Variants in RYR2 observed in about 807,000 individuals in gnomAD.
The protein encoded by RYR2 is ryanodine receptor 2.
Under a neutral mutation model 601.1 loss-of-function variants are expected in RYR2, and 227 were observed. The ratio of observed to expected loss-of-function variants is 0.38; its 90% CI spans 0.34 to 0.42. RYR2 has a LOEUF of 0.42. Ranked by LOEUF, RYR2 falls within the 10% of genes least tolerant of loss-of-function variation. The pLI, the probability that RYR2 is intolerant of heterozygous loss-of-function variation, is 1.00. For synonymous variants in RYR2, 2,223 were observed against 2,175.1 expected (o/e 1.02, Z -0.61); for missense variants, 4,646 against 6,156.5 (o/e 0.75, Z 8.21).
At chr1:237,533,008 A>AGATG (rs1668284398) in intron 25 of RYR2, among the ~76,000 whole-genome samples, 1 of 152,224 alleles carries the variant, frequency 6.6e-6, no homozygotes, top group East Asian at 1.9e-4. Context: ...ATAGACAGAT[A>AGATG]GATGGATGGG....
intron 15 of RYR2, among the ~76,000 whole-genome samples, chr1:237,455,200 T>C (rs1423177707): frequency 6.6e-6 from 1 of 152,150 alleles, no homozygotes; most frequent in Non-Finnish European, 1.5e-5. Flanking sequence ...ATATATCTCA[T>C]GTTCTAATAT....
chr1:237,665,259 G>A, intron 56 of RYR2, among the ~76,000 whole-genome samples: 1 of 152,036 alleles, frequency 6.6e-6, no homozygotes, highest in South Asian at 2.1e-4. Flanking sequence ...ATTAGCTGGT[G>A]ACAGAGATGC....
chr1:237,519,017 G>A (rs1666832837), intron 24 of RYR2, among the ~76,000 whole-genome samples: 1 of 152,156 alleles, frequency 6.6e-6, no homozygotes, highest in African/African-American at 2.4e-5. Context: ...TTTCTCTGAT[G>A]ATTAGTGATG....
intron 1 of RYR2, among the ~76,000 whole-genome samples, chr1:237,193,391 T>C (rs1458396175): frequency 1.3e-5 from 2 of 151,850 alleles, no homozygotes; most frequent in Non-Finnish European, 2.9e-5. Context: ...ACCCGGGAGG[T>C]GGAGCTTGCA....
At position 237,649,789 on chromosome 1, in the gene RYR2, A is replaced by G. The variant is rs530824606; in HGVS notation, c.7513-88A>G. 1.2e-5 allele frequency: 13 copies of G among 1,044,806 alleles called. No homozygotes were observed. The African/African-American group carries it at 1.9e-4, about 15-fold the overall frequency. The allele number at this position is 1,044,806 out of a possible 1,614,324, so 64.7% of individuals were successfully genotyped here. ...GTCATAGTGCTATCATCTTCCGGAT[A>G]GTGAAATTGTATGTCCCCATGTTAA... On this transcript the variant is annotated intron_variant, in intron 49 of 104. Coordinates refer to ENST00000366574, the MANE Select transcript of RYR2 (RefSeq NM_001035.3).
Position 237,783,953 on chromosome 1 carries a change from G to A in RYR2, c.12241G>A (p.Glu4081Lys), listed in dbSNP as rs763004638. 1.7e-5 allele frequency: 27 copies of A among 1,613,584 alleles called. 1 individual carries two copies. Among genetic ancestry groups the A allele is most frequent in the Non-Finnish European group, 2.3e-5 (27 of 1,179,708 alleles). Reference protein sequence around the residue: ...ETDENETLDYEEFVKRFHEPA... With the variant: ...ETDENETLDYKEFVKRFHEPA... Reference sequence around the variant, plus strand: ...GGATGAGAATGAAACCCTCGACTACGAAGAGTTCGTCAAACGCTTCCACGA... The same window carrying A: ...GGATGAGAATGAAACCCTCGACTACAAAGAGTTCGTCAAACGCTTCCACGA... Residue 4081 changes from glutamate to lysine, a missense_variant, in exon 90 of 105, where the codon GAA becomes AAA. Around this residue, in one of 17 missense-constraint regions of RYR2, gnomAD observed 66 missense variants for 80.7 expected, o/e 0.82. Coordinates refer to ENST00000366574, the MANE Select transcript of RYR2 (RefSeq NM_001035.3).
chr1:237,233,732 G>A (rs1685239783), intron 1 of RYR2, among the ~76,000 whole-genome samples: 1 of 152,136 alleles, frequency 6.6e-6, no homozygotes, highest in African/African-American at 2.4e-5. Flanking sequence ...TCAGCTCACT[G>A]CAATCTCTTC....
At chr1:237,527,912 A>G (rs772716252) in intron 24 of RYR2, among the ~76,000 whole-genome samples, 5 of 152,148 alleles carry the variant, frequency 3.3e-5, no homozygotes, top group Admixed American at 6.5e-5. Context: ...ATGAAATCTC[A>G]CGCCCTGCTA....
At chr1:237,337,575 G>A (rs991737871) in intron 3 of RYR2, among the ~76,000 whole-genome samples, 3 of 152,074 alleles carry the variant, frequency 2.0e-5, no homozygotes, top group African/African-American at 7.2e-5. Context: ...TTTATAATGT[G>A]GGGAAAATAA....
At chr1:237,301,401 A>T (rs2149454359) in intron 2 of RYR2, among the ~76,000 whole-genome samples, 1 of 152,294 alleles carries the variant, frequency 6.6e-6, no homozygotes, top group Admixed American at 6.5e-5. Flanking sequence ...AGCATACTGT[A>T]GGAACTTCAT....
intron 10 of RYR2, among the ~76,000 whole-genome samples, chr1:237,401,480 T>C (rs927269496): frequency 1.3e-5 from 2 of 149,096 alleles, no homozygotes; most frequent in Non-Finnish European, 2.9e-5. Flanking sequence ...GTTATACTTA[T>C]GCTTGCAGTT....
At chr1:237,324,534 T>A (rs1695960538) in intron 2 of RYR2, among the ~76,000 whole-genome samples, 1 of 152,204 alleles carries the variant, frequency 6.6e-6, no homozygotes. Context: ...TTTATATCTC[T>A]CTGATTCTGA....
Position 237,707,008 on chromosome 1 carries a change from C to T in RYR2, c.9640C>T (p.Leu3214Phe). The change falls in exon 68 of 105, where the codon CTC becomes TTC. Residue 3214 changes from leucine to phenylalanine, a missense_variant. Physicochemically the swap from Leu to Phe is conservative, Grantham distance 22 (BLOSUM62 0). Transcript: ENST00000366574. ...VCPNIPSLEKLMEEIVELAES... is the reference protein window; with the variant it reads ...VCPNIPSLEKFMEEIVELAES... ...TCCAAACATACCGTCTTTGGAGAAA[C>T]TCATGGAAGAAATCGTGGAATTAGC... is the stretch of plus-strand genomic sequence containing the variant. The T allele has an allele frequency of 6.2e-7, 1 of 1,613,906 alleles. No homozygotes were observed. Among genetic ancestry groups the T allele is most frequent in the Non-Finnish European group, 8.5e-7 (1 of 1,179,850 alleles).
chr1:237,515,618 C>CTT, intron 24 of RYR2, among the ~76,000 whole-genome samples: 1 of 128,968 alleles, frequency 7.8e-6, no homozygotes, highest in Non-Finnish European at 1.7e-5. Context: ...TCCTCCTCCC[C>CTT]CTCCCTCCCC....
intron 1 of RYR2, among the ~76,000 whole-genome samples, chr1:237,060,343 G>A (rs1662684203): frequency 6.6e-6 from 1 of 152,030 alleles, no homozygotes; most frequent in Non-Finnish European, 1.5e-5. Context: ...TAATTTATTA[G>A]CCTTTCATAG....
At chr1:237,586,492 T>C (rs1471327092) in intron 29 of RYR2, among the ~76,000 whole-genome samples, 1 of 152,206 alleles carries the variant, frequency 6.6e-6, no homozygotes, top group East Asian at 1.9e-4. Context: ...TTAAGTAACT[T>C]GCCAAAGATC....
chr1:237,104,932 T>A (rs1668501516), intron 1 of RYR2, among the ~76,000 whole-genome samples: 1 of 152,244 alleles, frequency 6.6e-6, no homozygotes, highest in Non-Finnish European at 1.5e-5. Context: ...CCACATTCCC[T>A]TCTCCCTCGA....
chr1:237,680,854 G>A (rs963068511), intron 62 of RYR2, among the ~76,000 whole-genome samples: 1 of 152,198 alleles, frequency 6.6e-6, no homozygotes, highest in Non-Finnish European at 1.5e-5. Flanking sequence ...GGCCGGATAT[G>A]CATCACCCTA....
At chr1:237,383,418 T>G (rs1701703207) in intron 8 of RYR2, among the ~76,000 whole-genome samples, 2 of 8,990 alleles carry the variant, frequency 2.2e-4, no homozygotes, top group Non-Finnish European at 4.1e-4. Flanking sequence ...TTTTTTCTTG[T>G]TTTTTTTTTT....
Sources: allele counts gnomAD v4.1 joint callset (sites outside exome capture counted in the v4.1 genomes callset), GRCh38; gene constraint gnomAD v4.1.1; regional missense constraint gnomAD v4.1.1; transcripts MANE v1.5; gene names NCBI Gene and HGNC (gene_info 2026-07-23, HGNC 2026-07-21).